The following SBF2 variants were observed in gnomAD, a reference collection of about 807,000 sequenced individuals.
The protein encoded by SBF2 is SET binding factor 2.
Under a neutral mutation model 225.2 loss-of-function variants are expected in SBF2, and 112 were observed. The observed-to-expected ratio is 0.50, with a 90% CI of 0.43 to 0.58. The LOEUF (loss-of-function observed/expected upper bound fraction) is 0.58. SBF2 is among the 20% of genes least tolerant of loss of function. SBF2 has a pLI of 0.00. For missense variants in SBF2, 1,996 were observed against 2,206.2 expected (o/e 0.90, Z 1.91); for synonymous variants, 763 against 773.3 (o/e 0.99, Z 0.22).
Position 9,989,480 on chromosome 11 carries a change from T to C in SBF2, c.1395+17A>G. The C allele has an allele frequency of 7.0e-7, 1 of 1,429,376 alleles. No homozygotes were observed. The highest frequency in any genetic ancestry group is 9.8e-7 in the Non-Finnish European group (1 of 1,015,452). The allele number at this position is 1,429,376 out of a possible 1,614,324, so 88.5% of individuals were successfully genotyped here. ...TAAATAAAATTAATGACTGTCTAAA[T>C]AAATATACTTACTTACATTTTTGAA... On this transcript the variant is annotated intron_variant, in intron 13 of 39. Transcript: ENST00000256190.
At chr11:10,244,371 A>T (rs777705406) in intron 1 of SBF2, among the ~76,000 whole-genome samples, 9 of 152,174 alleles carry the variant, frequency 5.9e-5, no homozygotes, top group Admixed American at 5.9e-4. Context: ...CTGTGAACAG[A>T]CTGTTCTTTC....
In SBF2 at chr11:10,133,552, T is replaced by C. The variant is rs1954193510; in HGVS notation, c.141+60350A>G. On this transcript the variant is annotated intron_variant, in intron 2 of 39. Coordinates refer to ENST00000256190, the MANE Select transcript of SBF2 (RefSeq NM_030962.4). ...CCTCCGCAGCCACTGGCCTGGGTGC[T>C]AAGTCCCCCATTGCCCAGGGCCAGC... Among the ~76,000 whole-genome samples the C allele has an allele frequency of 1.5e-5, 2 of 134,754 alleles. 1 individual carries two copies. The highest frequency in any genetic ancestry group is 4.9e-4 in the South Asian group (2 of 4,120). 88.4% of individuals were successfully genotyped at this position (134,754 alleles called of 152,430 possible).
intron 17 of SBF2, among the ~76,000 whole-genome samples, chr11:9,868,573 T>C (rs180694234): frequency 6.6e-6 from 1 of 152,268 alleles, no homozygotes; most frequent in Admixed American, 6.5e-5. Context: ...TTTTCTGTTA[T>C]TTTTACAATC....
intron 2 of SBF2, among the ~76,000 whole-genome samples, chr11:10,104,685 G>C (rs981876978): frequency 5.3e-5 from 8 of 152,164 alleles, no homozygotes; most frequent in African/African-American, 1.9e-4. Context: ...AGTCACATTA[G>C]ATTCTACCAG....
intron 2 of SBF2, among the ~76,000 whole-genome samples, chr11:10,174,899 T>G (rs1040843957): frequency 6.7e-6 from 1 of 150,274 alleles, no homozygotes. Context: ...GAATTTCATA[T>G]CCAGCCAAAC....
intron 1 of SBF2, among the ~76,000 whole-genome samples, chr11:10,223,633 A>G (rs1958433503): frequency 6.6e-6 from 1 of 151,810 alleles, no homozygotes; most frequent in South Asian, 2.1e-4. Flanking sequence ...CATATCAAGC[A>G]ATTAAACTTT....
chr11:10,195,625 A>G (rs1367250591), intron 1 of SBF2, among the ~76,000 whole-genome samples: 1 of 152,128 alleles, frequency 6.6e-6, no homozygotes, highest in Non-Finnish European at 1.5e-5. Context: ...TATGAATGCA[A>G]CTTCTCCCTT....
At chr11:9,811,293 C>G (rs1405378653) in intron 30 of SBF2, 1 of 152,186 alleles carries the variant, frequency 6.6e-6, no homozygotes, top group Non-Finnish European at 1.5e-5. Flanking sequence ...CCAAGATATG[C>G]AATGTACCTA....
intron 2 of SBF2, among the ~76,000 whole-genome samples, chr11:10,174,674 C>G (rs1016655188): frequency 3.9e-5 from 6 of 152,112 alleles, no homozygotes; most frequent in Admixed American, 2.6e-4. Context: ...CACAAAGATA[C>G]TCCTCGAGAA....
intron 27 of SBF2, among the ~76,000 whole-genome samples, chr11:9,831,514 AT>A (rs1855398931): frequency 1.3e-5 from 2 of 152,220 alleles, no homozygotes; most frequent in African/African-American, 4.8e-5. Context: ...AGTTTACTTC[AT>A]TTCCAAAGGT....
intron 2 of SBF2, among the ~76,000 whole-genome samples, chr11:10,081,175 A>C (rs1951349642): frequency 6.6e-6 from 1 of 152,140 alleles, no homozygotes; most frequent in South Asian, 2.1e-4. Flanking sequence ...ATTAGGTCAC[A>C]AAAAAAGTCT....
intron 2 of SBF2, among the ~76,000 whole-genome samples, chr11:10,045,862 T>C (rs1241725915): frequency 6.6e-6 from 1 of 152,170 alleles, no homozygotes; most frequent in East Asian, 1.9e-4. Flanking sequence ...ATGGATTGAC[T>C]GGTGGATTCT....
At chr11:10,166,728 C>T (rs149107028) in intron 2 of SBF2, among the ~76,000 whole-genome samples, 127 of 151,900 alleles carry the variant, frequency 8.4e-4, no homozygotes, top group Non-Finnish European at 1.4e-3. Flanking sequence ...TTTGGGAGAC[C>T]GAGGTGGGGA....
intron 1 of SBF2, among the ~76,000 whole-genome samples, chr11:10,276,638 A>T (rs961712797): frequency 3.3e-5 from 5 of 152,230 alleles, no homozygotes; most frequent in Admixed American, 2.0e-4. Flanking sequence ...AATTCCATTC[A>T]TGATCAGTAT....
At chr11:10,014,640 C>T (rs189482000) in intron 6 of SBF2, among the ~76,000 whole-genome samples, 2 of 151,382 alleles carry the variant, frequency 1.3e-5, no homozygotes, top group Non-Finnish European at 1.5e-5. Context: ...TTTTTTCCCT[C>T]TTCAGTGTGG....
chr11:10,060,445 C>G (rs1243105389), intron 2 of SBF2, among the ~76,000 whole-genome samples: 2 of 152,254 alleles, frequency 1.3e-5, no homozygotes, highest in African/African-American at 4.8e-5. Context: ...TGAATTCTAC[C>G]AGGTGTACAA....
intron 2 of SBF2, among the ~76,000 whole-genome samples, chr11:10,166,188 T>A (rs193274753): frequency 6.6e-6 from 1 of 152,260 alleles, no homozygotes; most frequent in African/African-American, 2.4e-5. Flanking sequence ...AAACTAAAAT[T>A]AGATGATCAC....
intron 17 of SBF2, among the ~76,000 whole-genome samples, chr11:9,870,024 A>G (rs1236678263): frequency 6.6e-6 from 1 of 152,202 alleles, no homozygotes; most frequent in African/African-American, 2.4e-5. Context: ...ACAAAAATCA[A>G]TGTGCAAAAA....
At chr11:9,903,106 G>A (rs1376817593) in intron 16 of SBF2, among the ~76,000 whole-genome samples, 2 of 152,148 alleles carry the variant, frequency 1.3e-5, no homozygotes, top group Non-Finnish European at 2.9e-5. Context: ...CGGATCACGA[G>A]GTCAGGAGAT....
Sources: gnomAD v4.1 joint callset for allele counts (sites outside exome capture counted in the v4.1 genomes callset) on GRCh38, gnomAD v4.1.1 for gene constraint, MANE v1.5 for transcripts, NCBI Gene and HGNC (gene_info 2026-07-23, HGNC 2026-07-21) for gene names.